STK39: variants seen among roughly 807,000 people sequenced by gnomAD.
The protein encoded by STK39 is STE20/SPS1-related proline-alanine-rich protein kinase.
In STK39, 20 loss-of-function variants were observed where a neutral mutation model predicts 77.8. The ratio of observed to expected loss-of-function variants is 0.26; its 90% CI spans 0.18 to 0.37. STK39 has a LOEUF of 0.37. STK39 is among the 10% of genes least tolerant of loss of function. The pLI is 1.00. For missense variants in STK39, 479 were observed against 656.5 expected (o/e 0.73, Z 2.95); for synonymous variants, 246 against 234.1 (o/e 1.05, Z -0.47).
chr2:168,009,381 T>G (rs1684211723), intron 16 of STK39, among the ~76,000 whole-genome samples: 1 of 152,104 alleles, frequency 6.6e-6, no homozygotes, highest in Admixed American at 6.6e-5. Flanking sequence ...CACTGGTCCA[T>G]GGAAAAACAA....
intron 10 of STK39, 86 bp downstream of exon 10, chr2:168,129,455 T>C (rs1461411905): frequency 1.4e-6 from 2 of 1,434,562 alleles, no homozygotes; most frequent in Non-Finnish European, 2.0e-6. Flanking sequence ...ATCCTGCATA[T>C]GTGGAAATCT....
At chr2:167,965,080 G>C (rs1359521018) in intron 16 of STK39, among the ~76,000 whole-genome samples, 1 of 151,422 alleles carries the variant, frequency 6.6e-6, no homozygotes, top group Non-Finnish European at 1.5e-5. Context: ...AAATTTATTA[G>C]CCAGGAGAGG....
At chr2:167,985,327 G>T (rs1045578744) in intron 16 of STK39, among the ~76,000 whole-genome samples, 20 of 152,184 alleles carry the variant, frequency 1.3e-4, no homozygotes, top group African/African-American at 4.6e-4. Context: ...AAGAACTTCT[G>T]AACTGATTTG....
chr2:168,234,210 A>G (rs1287427623), intron 1 of STK39, among the ~76,000 whole-genome samples: 1 of 152,168 alleles, frequency 6.6e-6, no homozygotes. Flanking sequence ...ATTTCCGAGA[A>G]ATTACCATCC....
intron 16 of STK39, among the ~76,000 whole-genome samples, chr2:167,977,238 G>A (rs890735095): frequency 1.3e-5 from 2 of 152,142 alleles, no homozygotes; most frequent in Admixed American, 1.3e-4. Flanking sequence ...TTCCTTTAAT[G>A]TGTTTAAGGT....
chr2:168,063,439 G>A (rs554581862), intron 14 of STK39, 61 bp downstream of exon 14: 2 of 1,425,488 alleles, frequency 1.4e-6, no homozygotes, highest in African/African-American at 2.9e-5. Flanking sequence ...GGTTAACGAA[G>A]GAGATTTAAA....
At chr2:167,987,557 G>C (rs1683592917) in intron 16 of STK39, among the ~76,000 whole-genome samples, 1 of 152,118 alleles carries the variant, frequency 6.6e-6, no homozygotes, top group Non-Finnish European at 1.5e-5. Flanking sequence ...CATTTAATAA[G>C]ACAGATCATT....
chr2:168,163,507 CT>C, intron 4 of STK39: 4 of 783,110 alleles, frequency 5.1e-6, no homozygotes, highest in Non-Finnish European at 6.2e-6. Context: ...TTCTTAAGTA[CT>C]TTTTTCCCAT....
At chr2:167,976,159 A>G (rs996927174) in intron 16 of STK39, among the ~76,000 whole-genome samples, 1 of 152,226 alleles carries the variant, frequency 6.6e-6, no homozygotes, top group Non-Finnish European at 1.5e-5. Context: ...GATATTTCTC[A>G]TGATCAAATT....
intron 14 of STK39, among the ~76,000 whole-genome samples, chr2:168,035,341 C>T (rs1028477694): frequency 1.3e-5 from 2 of 152,178 alleles, no homozygotes; most frequent in Non-Finnish European, 1.5e-5. Context: ...AAATATATAG[C>T]TACTACTTCA....
intron 1 of STK39, among the ~76,000 whole-genome samples, chr2:168,220,955 C>G: frequency 6.6e-6 from 1 of 152,132 alleles, no homozygotes; most frequent in Non-Finnish European, 1.5e-5. Context: ...GAATGCTGAT[C>G]TAGGAGACAG....
chr2:168,232,030 C>T, intron 1 of STK39: 2 of 246,084 alleles, frequency 8.1e-6, no homozygotes, highest in Non-Finnish European at 1.8e-5. Flanking sequence ...ATGGTGCACT[C>T]CTTACAATAA....
At chr2:168,134,815 C>T (rs955090766) in intron 8 of STK39, among the ~76,000 whole-genome samples, 7 of 152,214 alleles carry the variant, frequency 4.6e-5, no homozygotes, top group Non-Finnish European at 1.0e-4. Context: ...ACTGTTTTCT[C>T]GCAATATTTT....
intron 14 of STK39, among the ~76,000 whole-genome samples, chr2:168,021,084 T>C (rs1217585928): frequency 6.6e-6 from 1 of 152,190 alleles, no homozygotes; most frequent in Non-Finnish European, 1.5e-5. Flanking sequence ...AATGAGGAAT[T>C]TGGTTGGACA....
At chr2:167,967,115 C>T (rs967085078) in intron 16 of STK39, among the ~76,000 whole-genome samples, 9 of 152,200 alleles carry the variant, frequency 5.9e-5, no homozygotes, top group Non-Finnish European at 1.3e-4. Context: ...GAACACTGAC[C>T]TTTGTGTTGT....
intron 16 of STK39, among the ~76,000 whole-genome samples, chr2:167,999,908 C>G (rs879806899): frequency 1.3e-5 from 2 of 152,198 alleles, no homozygotes; most frequent in Non-Finnish European, 2.9e-5. Context: ...GCCCTGTGAC[C>G]TTCTGGAAGC....
At chr2:168,022,522 G>C (rs1684595633) in intron 14 of STK39, among the ~76,000 whole-genome samples, 1 of 152,172 alleles carries the variant, frequency 6.6e-6, no homozygotes, top group Non-Finnish European at 1.5e-5. Context: ...GACAGGATTG[G>C]ACTCAATGTT....
intron 10 of STK39, among the ~76,000 whole-genome samples, chr2:168,108,570 A>AT (rs1553525239): frequency 1.3e-5 from 2 of 150,170 alleles, no homozygotes; most frequent in African/African-American, 4.9e-5. Flanking sequence ...AGAAAAGAAA[A>AT]TAAAAAAAAA....
At chr2:168,225,283 ATAC>A (rs1233642838) in intron 1 of STK39, among the ~76,000 whole-genome samples, 1 of 91,590 alleles carries the variant, frequency 1.1e-5, no homozygotes, top group Non-Finnish European at 2.9e-5. Context: ...CATGGAGAAG[ATAC>A]TGCTGATAAA....
Sources: allele counts gnomAD v4.1 joint callset (sites outside exome capture counted in the v4.1 genomes callset), GRCh38; gene constraint gnomAD v4.1.1; transcripts MANE v1.5; gene names NCBI Gene and HGNC (gene_info 2026-07-23, HGNC 2026-07-21).